Variants in SPAG16 observed in about 807,000 individuals in gnomAD.
The protein encoded by SPAG16 is sperm-associated antigen 16 protein.
SPAG16 carries 86 observed loss-of-function variants against 80.4 expected under a neutral mutation model. The observed-to-expected ratio is 1.07, with a 90% CI of 0.90 to 1.28. The LOEUF (loss-of-function observed/expected upper bound fraction) is 1.28. Among genes scored for constraint, SPAG16 ranks in the 50% most tolerant of loss-of-function variants. The pLI, the probability that SPAG16 is intolerant of heterozygous loss-of-function variation, is 0.00. For missense variants in SPAG16, 870 were observed against 765.3 expected (o/e 1.14, Z -1.61); for synonymous variants, 294 against 265.9 (o/e 1.11, Z -1.03).
intron 15 of SPAG16, among the ~76,000 whole-genome samples, chr2:214,182,289 G>T (rs1378385083): frequency 6.6e-6 from 1 of 151,418 alleles, no homozygotes; most frequent in South Asian, 2.1e-4. Flanking sequence ...TGAGACTCTG[G>T]GTAATCAGTT....
At chr2:214,359,949 T>G (rs1001305137) in intron 15 of SPAG16, among the ~76,000 whole-genome samples, 1 of 151,890 alleles carries the variant, frequency 6.6e-6, no homozygotes, top group African/African-American at 2.4e-5. Flanking sequence ...AGTCTACAAT[T>G]GGCTTACTAA....
intron 15 of SPAG16, among the ~76,000 whole-genome samples, chr2:214,237,071 C>T (rs9288490): frequency 0.24 from 37,151 of 152,038 alleles, 6,173 homozygotes; most frequent in African/African-American, 0.48. Context: ...CAGGATATTT[C>T]TTAGTAAATA....
At chr2:214,040,286 C>T (rs2372219) in intron 13 of SPAG16, among the ~76,000 whole-genome samples, 148,234 of 152,218 alleles carry the variant, frequency 0.97, 72,305 homozygotes, top group East Asian at 1. Context: ...ACTGATATCT[C>T]TTTCTTCCAT....
At position 213,718,166 on chromosome 2, in the gene SPAG16, A is replaced by AG. The variant is rs1220809771; in HGVS notation, c.1071-144319_1071-144318insG. Among the ~76,000 whole-genome samples the AG allele has an allele frequency of 6.2e-4, 94 of 151,040 alleles. 1 individual carries two copies. The South Asian group carries it at 0.015, about 23-fold the overall frequency. On this transcript the variant is annotated intron_variant, in intron 10 of 15. Transcript: ENST00000331683. ...CAAGTTTACAAAAAAAAAAAAAAAA[A>AG]AAAGAAAACCACCAAATAGTGGGCA...
chr2:213,554,066 C>G (rs1440852974), intron 10 of SPAG16, among the ~76,000 whole-genome samples: 1 of 152,148 alleles, frequency 6.6e-6, no homozygotes, highest in Non-Finnish European at 1.5e-5. Context: ...GATACCAGTA[C>G]CACCACCACT....
intron 9 of SPAG16, among the ~76,000 whole-genome samples, chr2:213,434,748 A>C (rs537843640): frequency 1.3e-5 from 2 of 152,364 alleles, no homozygotes; most frequent in African/African-American, 2.4e-5. Context: ...TAAAACCACA[A>C]TGATATGTCA....
At chr2:213,985,513 T>C (rs1163058957) in intron 12 of SPAG16, among the ~76,000 whole-genome samples, 1 of 152,142 alleles carries the variant, frequency 6.6e-6, no homozygotes, top group Non-Finnish European at 1.5e-5. Context: ...AGGGTCTTGA[T>C]AAAAATTTAT....
At chr2:213,672,011 A>C (rs1485149972) in intron 10 of SPAG16, among the ~76,000 whole-genome samples, 2 of 152,202 alleles carry the variant, frequency 1.3e-5, no homozygotes, top group African/African-American at 4.8e-5. Flanking sequence ...AAGTAACTAA[A>C]AGTGATTTAG....
At chr2:213,516,072 G>A (rs1390809068) in intron 10 of SPAG16, among the ~76,000 whole-genome samples, 2 of 152,146 alleles carry the variant, frequency 1.3e-5, no homozygotes, top group Non-Finnish European at 2.9e-5. Context: ...TGCCTATAAA[G>A]CCGGATGATA....
intron 10 of SPAG16, among the ~76,000 whole-genome samples, chr2:213,804,549 G>T (rs1421851592): frequency 2.0e-5 from 3 of 152,170 alleles, no homozygotes; most frequent in Non-Finnish European, 2.9e-5. Context: ...TGGGCGTGGT[G>T]GCAGGCGCCT....
intron 9 of SPAG16, among the ~76,000 whole-genome samples, chr2:213,485,536 C>T (rs1426383217): frequency 6.6e-6 from 1 of 151,598 alleles, no homozygotes. Flanking sequence ...TATTTCTACT[C>T]TAGCTTTTTC....
chr2:213,460,742 G>C (rs1190058392), intron 9 of SPAG16, among the ~76,000 whole-genome samples: 1 of 152,104 alleles, frequency 6.6e-6, no homozygotes, highest in Non-Finnish European at 1.5e-5. Context: ...ATGGCTTAAA[G>C]TCATAGTTAC....
At chr2:213,762,690 A>T (rs1220033385) in intron 10 of SPAG16, among the ~76,000 whole-genome samples, 1 of 152,210 alleles carries the variant, frequency 6.6e-6, no homozygotes, top group African/African-American at 2.4e-5. Context: ...TATTTAAGAA[A>T]ACTTAGGGGA....
intron 10 of SPAG16, among the ~76,000 whole-genome samples, chr2:213,728,285 G>A (rs1478635911): frequency 6.6e-6 from 1 of 152,132 alleles, no homozygotes; most frequent in Non-Finnish European, 1.5e-5. Context: ...TGGAGCTTGT[G>A]GCTTCCTTAG....
At chr2:213,422,141 A>G (rs1559116776) in intron 9 of SPAG16, 1 of 695,672 alleles carries the variant, frequency 1.4e-6, no homozygotes, top group Non-Finnish European at 2.6e-6. Context: ...TTTGCAGGTG[A>G]TGAGAAGGAG....
At chr2:213,867,640 C>T (rs537040139) in intron 11 of SPAG16, among the ~76,000 whole-genome samples, 4 of 152,058 alleles carry the variant, frequency 2.6e-5, no homozygotes, top group South Asian at 4.2e-4. Flanking sequence ...AAAGATAGCT[C>T]GGCCGTGTTC....
intron 15 of SPAG16, among the ~76,000 whole-genome samples, chr2:214,177,743 A>C (rs1179764119): frequency 1.3e-5 from 2 of 150,040 alleles, no homozygotes; most frequent in East Asian, 3.9e-4. Flanking sequence ...TATTTATAGT[A>C]CCTCTGCTAG....
At chr2:214,077,745 T>G (rs184537896) in intron 13 of SPAG16, among the ~76,000 whole-genome samples, 1 of 152,214 alleles carries the variant, frequency 6.6e-6, no homozygotes, top group Admixed American at 6.5e-5. Context: ...TATAGGGGAG[T>G]TTGATTTCCA....
intron 2 of SPAG16, 41 bp from the exon 3 acceptor site, chr2:213,297,221 T>C: frequency 6.6e-7 from 1 of 1,526,576 alleles, no homozygotes. Flanking sequence ...ATTTTATATT[T>C]CTGCTCACTC....
Sources: gnomAD v4.1 joint callset for allele counts (sites outside exome capture counted in the v4.1 genomes callset) on GRCh38, gnomAD v4.1.1 for gene constraint, MANE v1.5 for transcripts, NCBI Gene and HGNC (gene_info 2026-07-23, HGNC 2026-07-21) for gene names.